Variants in WDR76 observed in about 807,000 individuals in gnomAD.
WDR76 encodes WD repeat-containing protein 76.
In WDR76, 52 loss-of-function variants were observed where a neutral mutation model predicts 70.2. That is an observed-to-expected ratio of 0.74 (90% CI 0.59 to 0.93). WDR76 has a LOEUF of 0.93. Among genes scored for constraint, WDR76 ranks in the 40% least tolerant of loss-of-function variants. WDR76 has a pLI of 0.00. For missense variants in WDR76, 756 were observed against 760.2 expected, an observed-to-expected ratio of 0.99 and a Z score of 0.07; for synonymous variants, 292 against 271.1, an observed-to-expected ratio of 1.08 and a Z score of -0.76.
intron 8 of WDR76, among the ~76,000 whole-genome samples, chr15:43,849,771 C>T (rs1308186220): frequency 1.3e-5 from 2 of 152,072 alleles, no homozygotes; most frequent in African/African-American, 2.4e-5. Context: ...TTCCTGACCT[C>T]GTGATCCACC....
intron 12 of WDR76, among the ~76,000 whole-genome samples, chr15:43,862,490 G>GTT (rs1305278156): frequency 3.1e-5 from 4 of 130,412 alleles, no homozygotes; most frequent in African/African-American, 2.8e-5. Context: ...GCTAATTTCT[G>GTT]TTTTTTTTTT....
intron 12 of WDR76, among the ~76,000 whole-genome samples, chr15:43,862,494 TTTTTTTTGTTTTTTG>T (rs1291155196): frequency 0.011 from 1,609 of 150,716 alleles, 28 homozygotes; most frequent in African/African-American, 0.037. Context: ...ATTTCTGTTT[TTTTTTTTGTTTTTTG>T]TTTTTTTGTT....
At chr15:43,840,397 G>T (rs1352643442) in intron 5 of WDR76, among the ~76,000 whole-genome samples, 7 of 151,742 alleles carry the variant, frequency 4.6e-5, no homozygotes, top group Non-Finnish European at 7.4e-5. Flanking sequence ...TATCTATAAA[G>T]TTTCTCACAT....
chr15:43,842,479 T>G lies in WDR76; in HGVS notation c.797T>G (p.Phe266Cys). The G allele has an allele frequency of 6.2e-7, 1 of 1,614,106 alleles. No individual in the cohort carries two copies. Among genetic ancestry groups the G allele is most frequent in the Non-Finnish European group, 8.5e-7 (1 of 1,180,000 alleles). ...SENQEDNNER[F>C]KGFLHTWAGM... Reference sequence around the variant, plus strand: ...AATCAAGAAGACAACAATGAACGATTTAAAGGATTTCTGCACACATGGGCA... The same window carrying G: ...AATCAAGAAGACAACAATGAACGATGTAAAGGATTTCTGCACACATGGGCA... The change falls in exon 6 of 13, where the codon TTT becomes TGT. Residue 266 changes from phenylalanine to cysteine, a missense_variant. Phe to Cys is a radical substitution (Grantham distance 205). Coordinates refer to ENST00000263795, the MANE Select transcript of WDR76 (RefSeq NM_024908.4).
At chr15:43,830,115 C>A (rs1373685724) in intron 2 of WDR76, among the ~76,000 whole-genome samples, 2 of 151,666 alleles carry the variant, frequency 1.3e-5, no homozygotes, top group African/African-American at 4.8e-5. Flanking sequence ...AGTCCTCCAA[C>A]CTCAGACTCC....
intron 2 of WDR76, among the ~76,000 whole-genome samples, chr15:43,834,364 G>A (rs930787570): frequency 3.4e-5 from 5 of 148,816 alleles, no homozygotes; most frequent in African/African-American, 1.0e-4. Flanking sequence ...GCAATGGTGC[G>A]ATCTCGGCTT....
Position 43,866,524 on chromosome 15 carries a change from C to G in WDR76, c.*132C>G. ...TTATAACATTGTTTTATTAATAAGA[C>G]TATAAGAAGAGTGTACTTTTAGTAA... is the stretch of plus-strand genomic sequence containing the variant. On this transcript the variant is annotated 3_prime_UTR_variant, in exon 13 of 13. Coordinates refer to ENST00000263795, the MANE Select transcript of WDR76 (RefSeq NM_024908.4). 9.3e-7 allele frequency: 1 copy of G among 1,072,042 alleles called. No homozygotes were observed. The highest frequency in any genetic ancestry group is 1.3e-6 in the Non-Finnish European group (1 of 755,250). 66.4% of individuals were successfully genotyped at this position (1,072,042 alleles called of 1,614,324 possible). A position where few individuals can be genotyped will look rare whatever the true frequency, so the allele number is the denominator to read the frequency against.
chr15:43,833,618 CCTTT>C (rs1005167841), intron 2 of WDR76, among the ~76,000 whole-genome samples: 1 of 150,314 alleles, frequency 6.7e-6, no homozygotes, highest in African/African-American at 2.5e-5. Flanking sequence ...TGCTCCCAGC[CCTTT>C]CTTTTTTTTT....
At chr15:43,834,914 C>T (rs1003381783) in intron 2 of WDR76, 147 bp from the exon 3 acceptor site, 15 of 687,000 alleles carry the variant, frequency 2.2e-5, no homozygotes, top group African/African-American at 1.3e-4. Context: ...ATTCAGCAAA[C>T]GTCTGTTTTG....
intron 8 of WDR76, 115 bp downstream of exon 8, chr15:43,844,169 T>A (rs1411459849): frequency 1.2e-6 from 1 of 809,382 alleles, no homozygotes; most frequent in African/African-American, 1.8e-5. Flanking sequence ...AATTTTGGGC[T>A]TTATGATGCT....
chr15:43,830,013 CT>C (rs113243917), intron 2 of WDR76, among the ~76,000 whole-genome samples: 480 of 139,364 alleles, frequency 3.4e-3, no homozygotes, highest in Admixed American at 3.5e-3. Context: ...TCTTTCTTTT[CT>C]TTTTTTTTTT....
intron 5 of WDR76, among the ~76,000 whole-genome samples, chr15:43,841,233 C>T (rs1385673077): frequency 7.3e-6 from 1 of 137,636 alleles, no homozygotes; most frequent in East Asian, 2.2e-4. Flanking sequence ...GACGGAGTCT[C>T]AATCTGTTGC....
intron 12 of WDR76, 65 bp from the exon 13 acceptor site, chr15:43,866,063 C>G: frequency 6.4e-7 from 1 of 1,569,398 alleles, no homozygotes; most frequent in Non-Finnish European, 8.7e-7. Context: ...CCGTCTTTAC[C>G]CTCTGCCCAA....
intron 2 of WDR76, among the ~76,000 whole-genome samples, chr15:43,833,240 C>CT (rs2141724056): frequency 6.6e-6 from 1 of 152,072 alleles, no homozygotes; most frequent in Admixed American, 6.6e-5. Flanking sequence ...TCATAGCTTA[C>CT]TACAAACTTG....
At position 43,857,126 on chromosome 15, in the gene WDR76, C is replaced by G; in HGVS notation, c.1372C>G (p.Pro458Ala). 1 of 1,613,938 alleles carries G rather than the reference C, an allele frequency of 6.2e-7. No homozygotes were observed. ...AAAAATAAGAACTGTTCATGTCCAC[C>G]CAGTGCATAGACAGTATTTTATCAC... ...MGKIRTVHVH[P>A]VHRQYFITAG... Residue 458 changes from proline to alanine, a missense_variant, in exon 10 of 13, where the codon CCA becomes GCA. Transcript: ENST00000263795.
intron 8 of WDR76, among the ~76,000 whole-genome samples, chr15:43,844,573 CTG>C (rs766218104): frequency 2.7e-5 from 4 of 146,090 alleles, no homozygotes; most frequent in Non-Finnish European, 6.0e-5. Context: ...TGAGTCGACA[CTG>C]TGCCATCCAG....
At chr15:43,858,449 A>G (rs2087957630) in intron 10 of WDR76, 1 of 474,162 alleles carries the variant, frequency 2.1e-6, no homozygotes, top group African/African-American at 2.0e-5. Context: ...GGGTTTCTCC[A>G]TGTTGAGGCT....
intron 10 of WDR76, 36 bp downstream of exon 10, chr15:43,857,199 T>G (rs202041469): frequency 8.6e-5 from 133 of 1,547,458 alleles, no homozygotes; most frequent in Admixed American, 2.3e-4. Flanking sequence ...CTTAGACCTT[T>G]TAATGTCACA....
At chr15:43,862,276 CT>C in intron 12 of WDR76, among the ~76,000 whole-genome samples, 1,629 of 42,180 alleles carry the variant, frequency 0.039, 61 homozygotes, top group African/African-American at 0.13. Flanking sequence ...TTATCAGTTT[CT>C]TTTTTTTTTT....
Sources: allele counts gnomAD v4.1 joint callset (sites outside exome capture counted in the v4.1 genomes callset), GRCh38; gene constraint gnomAD v4.1.1; transcripts MANE v1.5; gene names NCBI Gene and HGNC (gene_info 2026-07-23, HGNC 2026-07-21).